Variants in TMEM87B observed in about 807,000 individuals in gnomAD.
TMEM87B encodes the protein transmembrane protein 87B.
A neutral mutation model predicts 80.3 loss-of-function variants in TMEM87B; 83 were observed. That is an observed-to-expected ratio of 1.03 (90% CI 0.87 to 1.24). The LOEUF is 1.24. Among genes scored for constraint, TMEM87B ranks in the 50% most tolerant of loss-of-function variants. The pLI is 0.00. For missense variants in TMEM87B, 625 were observed against 674.4 expected, an observed-to-expected ratio of 0.93 and a Z score of 0.81; for synonymous variants, 219 against 230.5, an observed-to-expected ratio of 0.95 and a Z score of 0.45.
intron 4 of TMEM87B, among the ~76,000 whole-genome samples, chr2:112,067,465 G>A (rs1200291128): frequency 6.6e-6 from 1 of 152,116 alleles, no homozygotes; most frequent in Non-Finnish European, 1.5e-5. Flanking sequence ...CGGGTGTGGT[G>A]GCATGTGCCC....
At chr2:112,084,825 C>G (rs1679097631) in intron 8 of TMEM87B, among the ~76,000 whole-genome samples, 1 of 152,220 alleles carries the variant, frequency 6.6e-6, no homozygotes, top group Non-Finnish European at 1.5e-5. Context: ...AGTTTTGTTC[C>G]TCTCCAAACC....
chr2:112,080,745 T>A (rs1043776981), intron 6 of TMEM87B, among the ~76,000 whole-genome samples: 2 of 152,226 alleles, frequency 1.3e-5, no homozygotes, highest in Non-Finnish European at 2.9e-5. Context: ...TGTAATCCCA[T>A]TTGTCTATTT....
At chr2:112,060,367 A>G (rs938982893) in intron 2 of TMEM87B, among the ~76,000 whole-genome samples, 1 of 152,144 alleles carries the variant, frequency 6.6e-6, no homozygotes, top group Non-Finnish European at 1.5e-5. Flanking sequence ...ACAAACAAGA[A>G]TAATGAAATA....
intron 11 of TMEM87B, among the ~76,000 whole-genome samples, chr2:112,094,019 C>T (rs1418266866): frequency 1.3e-5 from 2 of 152,118 alleles, no homozygotes; most frequent in African/African-American, 4.8e-5. Context: ...TGTCTTGTTT[C>T]TAAAACCGTG....
At chr2:112,103,931 G>A (rs780003551) in intron 15 of TMEM87B, among the ~76,000 whole-genome samples, 1 of 152,170 alleles carries the variant, frequency 6.6e-6, no homozygotes, top group Non-Finnish European at 1.5e-5. Flanking sequence ...TAGAGTCCAG[G>A]AATAAACCCA....
intron 4 of TMEM87B, among the ~76,000 whole-genome samples, chr2:112,071,763 G>A (rs1394675505): frequency 6.6e-6 from 1 of 152,098 alleles, no homozygotes; most frequent in African/African-American, 2.4e-5. Flanking sequence ...TCCTATTTGG[G>A]TGCCCTTTAT....
rs1377672398 is a variant in TMEM87B, at chr2:112,086,012, CTTA to C, written c.849_851del (p.Leu284del). ...TATTTTTTTCTTCCTCAGCCCAAGG[CTTA>C]TTGATATTTGCGGAGTTGATTTCTG... On this transcript the variant is annotated inframe_deletion, in exon 9 of 19. Transcript: ENST00000283206. 1.9e-6 allele frequency: 3 copies of C among 1,613,746 alleles called. No individual in the cohort carries two copies. Among genetic ancestry groups the C allele is most frequent in the Non-Finnish European group, 2.5e-6 (3 of 1,179,896 alleles).
At chr2:112,107,949 T>C (rs1679816466) in intron 17 of TMEM87B, 109 bp downstream of exon 17, 2 of 597,448 alleles carry the variant, frequency 3.3e-6, no homozygotes, top group African/African-American at 3.7e-5. Context: ...TGCATGTACT[T>C]GGGTAAGCCC....
In TMEM87B at chr2:112,082,679, T is replaced by C. The variant is rs1471287107; in HGVS notation, c.838+1161T>C. Reference sequence around the variant, plus strand: ...TATGGTGTGTGTGTGTGTGTGTGCGTGTGCGTGTGCGTGCATGTGTGCTCT... The same window carrying C: ...TATGGTGTGTGTGTGTGTGTGTGCGCGTGCGTGTGCGTGCATGTGTGCTCT... On this transcript the variant is annotated intron_variant, in intron 8 of 18. Coordinates refer to ENST00000283206, the MANE Select transcript of TMEM87B (RefSeq NM_032824.3). Among the ~76,000 whole-genome samples the C allele has an allele frequency of 2.0e-5, 3 of 152,168 alleles. No individual in the cohort carries two copies. The East Asian group carries it at 5.8e-4, about 29-fold the overall frequency.
chr2:112,096,054 A>ACCT (rs1679458415), intron 11 of TMEM87B, among the ~76,000 whole-genome samples: 1 of 151,474 alleles, frequency 6.6e-6, no homozygotes, highest in Non-Finnish European at 1.5e-5. Context: ...GAAAAGACTT[A>ACCT]CCTCAGAGAA....
chr2:112,077,170 AT>A (rs1320855806), intron 5 of TMEM87B, 21 bp from the exon 6 acceptor site: 5 of 1,429,270 alleles, frequency 3.5e-6, no homozygotes, highest in South Asian at 1.3e-5. Context: ...ATAATGAAGA[AT>A]TTTTTTCACC....
chr2:112,068,391 A>C (rs1055039309), intron 4 of TMEM87B, among the ~76,000 whole-genome samples: 2 of 152,212 alleles, frequency 1.3e-5, no homozygotes, highest in African/African-American at 4.8e-5. Flanking sequence ...AGAAAAGTAC[A>C]CATCAGTGTA....
intron 15 of TMEM87B, among the ~76,000 whole-genome samples, chr2:112,101,776 GA>G (rs1679638450): frequency 6.6e-6 from 1 of 152,084 alleles, no homozygotes; most frequent in Non-Finnish European, 1.5e-5. Flanking sequence ...AGTACAGTAA[GA>G]CAAACTTCTA....
At chr2:112,082,578 C>T (rs1041257234) in intron 8 of TMEM87B, among the ~76,000 whole-genome samples, 1 of 152,042 alleles carries the variant, frequency 6.6e-6, no homozygotes, top group Non-Finnish European at 1.5e-5. Context: ...TTTAAAAGGA[C>T]ATGTACCAAA....
chr2:112,081,661 A>C (rs1338736384), intron 8 of TMEM87B, 143 bp downstream of exon 8: 13 of 702,742 alleles, frequency 1.8e-5, no homozygotes, highest in Admixed American at 6.6e-5. Flanking sequence ...CAAGGAAAGA[A>C]TGTCAGAGTA....
chr2:112,094,811 C>T (rs999125794), intron 11 of TMEM87B, among the ~76,000 whole-genome samples: 3 of 151,948 alleles, frequency 2.0e-5, no homozygotes, highest in Non-Finnish European at 4.4e-5. Flanking sequence ...TCTGCATGAG[C>T]CTGAATTTGT....
At chr2:112,108,140 G>A (rs984091372) in intron 17 of TMEM87B, among the ~76,000 whole-genome samples, 1 of 151,976 alleles carries the variant, frequency 6.6e-6, no homozygotes, top group African/African-American at 2.4e-5. Context: ...TCAAATGTAT[G>A]TAAACTTTTT....
intron 8 of TMEM87B, 37 bp downstream of exon 8, chr2:112,081,555 T>C: frequency 6.4e-7 from 1 of 1,556,234 alleles, no homozygotes. Flanking sequence ...TAGTATGATC[T>C]AAGAGTTCCC....
At chr2:112,056,469 G>A (rs1372945294) in intron 1 of TMEM87B, among the ~76,000 whole-genome samples, 3 of 152,014 alleles carry the variant, frequency 2.0e-5, no homozygotes, top group South Asian at 4.2e-4. Flanking sequence ...CTTGGCGTCT[G>A]GTAATTAGAG....
Sources: gnomAD v4.1 joint callset for allele counts (sites outside exome capture counted in the v4.1 genomes callset) on GRCh38, gnomAD v4.1.1 for gene constraint, MANE v1.5 for transcripts, NCBI Gene and HGNC (gene_info 2026-07-23, HGNC 2026-07-21) for gene names.